The following ATP1B1 variants were observed in gnomAD, a reference collection of about 807,000 sequenced individuals.
The protein encoded by ATP1B1 is ATPase Na+/K+ transporting subunit beta 1, also known as sodium/potassium-transporting ATPase subunit beta-1.
In ATP1B1, 3 loss-of-function variants were observed where a neutral mutation model predicts 39.6. The observed-to-expected ratio is 0.08, with a 90% CI of 0.03 to 0.20. ATP1B1 has a LOEUF of 0.20. Ranked by LOEUF, ATP1B1 falls within the 10% of genes least tolerant of loss-of-function variation. The pLI is 1.00. For synonymous variants in ATP1B1, 139 were observed against 135.0 expected, an observed-to-expected ratio of 1.03 and a Z score of -0.20; for missense variants, 216 against 371.1, an observed-to-expected ratio of 0.58 and a Z score of 3.43.
intron 2 of ATP1B1, among the ~76,000 whole-genome samples, chr1:169,120,704 T>C (rs1657960308): frequency 6.6e-6 from 1 of 152,216 alleles, no homozygotes; most frequent in African/African-American, 2.4e-5. Context: ...AAAGTAATTA[T>C]AAACTTGACT....
chr1:169,108,547 G>A (rs764663275), intron 1 of ATP1B1, among the ~76,000 whole-genome samples: 2 of 152,164 alleles, frequency 1.3e-5, no homozygotes, highest in South Asian at 2.1e-4. Context: ...GGCACATTGT[G>A]AAATTTGCCT....
At chr1:169,111,573 TTTGGAAAA>T in intron 2 of ATP1B1, 75 bp downstream of exon 2, 1 of 1,554,882 alleles carries the variant, frequency 6.4e-7, no homozygotes, top group Non-Finnish European at 8.7e-7. Flanking sequence ...GAAAAAATTC[TTTGGAAAA>T]TTACTCTATA....
intron 2 of ATP1B1, among the ~76,000 whole-genome samples, chr1:169,118,657 ATATG>A (rs1466131523): frequency 6.6e-6 from 1 of 152,208 alleles, no homozygotes; most frequent in Non-Finnish European, 1.5e-5. Flanking sequence ...GTATGCATAC[ATATG>A]TGTGTGTTTA....
intron 2 of ATP1B1, among the ~76,000 whole-genome samples, chr1:169,124,499 CTG>C (rs1557951407): frequency 1.3e-5 from 2 of 152,200 alleles, no homozygotes; most frequent in South Asian, 4.1e-4. Context: ...TTTTAAAAAA[CTG>C]TGCACGTTGG....
intron 2 of ATP1B1, among the ~76,000 whole-genome samples, chr1:169,121,402 G>C (rs1426478043): frequency 6.6e-6 from 1 of 152,242 alleles, no homozygotes; most frequent in Non-Finnish European, 1.5e-5. Context: ...GACTGAGTGA[G>C]AGTTGCTGAT....
chr1:169,108,463 C>T (rs1034353524), intron 1 of ATP1B1, among the ~76,000 whole-genome samples: 9 of 152,114 alleles, frequency 5.9e-5, no homozygotes, highest in Non-Finnish European at 1.3e-4. Context: ...CCCTTCTCCC[C>T]AGGTTAGCTG....
Position 169,106,934 on chromosome 1 carries a change from C to T in ATP1B1, c.97+8C>T, listed in dbSNP as rs1023231060. ...GGACCGGTGGCAGTTGGTGTAAGTA[C>T]GGGGTCCGCAGCTCCCGGCCGCCGC... On this transcript the variant is annotated splice_region_variant and intron_variant, in intron 1 of 5. Transcript: ENST00000367815. 18 of 1,572,774 alleles carry T rather than the reference C, an allele frequency of 1.1e-5. No homozygotes were observed. The South Asian group carries it at 2.0e-4, about 17-fold the overall frequency.
intron 1 of ATP1B1, among the ~76,000 whole-genome samples, chr1:169,109,024 C>T (rs1657670502): frequency 6.6e-6 from 1 of 152,212 alleles, no homozygotes; most frequent in Non-Finnish European, 1.5e-5. Context: ...GCAGGATGCC[C>T]TTGGCTCGAT....
chr1:169,116,278 C>T (rs577067378), intron 2 of ATP1B1, among the ~76,000 whole-genome samples: 3 of 152,312 alleles, frequency 2.0e-5, no homozygotes, highest in East Asian at 1.9e-4. Context: ...GTGTGTCAAT[C>T]GGTGGGTCCG....
intron 2 of ATP1B1, among the ~76,000 whole-genome samples, chr1:169,115,554 G>A (rs1182599550): frequency 6.6e-6 from 1 of 151,906 alleles, no homozygotes; most frequent in Non-Finnish European, 1.5e-5. Context: ...TCACCATATT[G>A]GTCAGGTTGG....
intron 1 of ATP1B1, among the ~76,000 whole-genome samples, chr1:169,109,268 CT>C (rs967263363): frequency 3.3e-5 from 5 of 152,160 alleles, no homozygotes; most frequent in South Asian, 2.1e-4. Flanking sequence ...CTCTGTATTA[CT>C]TTTTTTTAAA....
At chr1:169,121,110 G>A (rs1281558884) in intron 2 of ATP1B1, among the ~76,000 whole-genome samples, 1 of 151,946 alleles carries the variant, frequency 6.6e-6, no homozygotes, top group African/African-American at 2.4e-5. Flanking sequence ...ACTATGCCTG[G>A]CTAATTTTGT....
intron 2 of ATP1B1, among the ~76,000 whole-genome samples, chr1:169,115,451 C>T (rs769411956): frequency 3.3e-5 from 5 of 150,856 alleles, no homozygotes; most frequent in Non-Finnish European, 7.4e-5. Flanking sequence ...TGGGTTCAAG[C>T]GATTCTCCTG....
chr1:169,115,053 C>T (rs1201914933), intron 2 of ATP1B1, among the ~76,000 whole-genome samples: 9 of 151,552 alleles, frequency 5.9e-5, no homozygotes, highest in African/African-American at 2.2e-4. Flanking sequence ...GTCGTAGTGG[C>T]GGGCACCTGT....
intron 2 of ATP1B1, among the ~76,000 whole-genome samples, chr1:169,122,569 C>T (rs1385492816): frequency 6.6e-6 from 1 of 152,006 alleles, no homozygotes; most frequent in Non-Finnish European, 1.5e-5. Flanking sequence ...TTTAGAAATA[C>T]TAAAAAATTA....
Position 169,131,454 on chromosome 1 carries a change from G to A in ATP1B1, c.811G>A (p.Glu271Lys). ...VQFTNLTMDT[E>K]IRIECKAYGE... ...GTTCACCAATCTTACCATGGACACT[G>A]AAATTCGCATAGAGTGTAAGGCGTA... Residue 271 changes from glutamate (E) to lysine (K), a missense_variant, in exon 6 of 6, where the codon GAA (glutamate) becomes AAA (lysine). By Grantham distance (56) the Glu-to-Lys change is moderately conservative. Transcript: ENST00000367815. This position sits in a 1 kb window ranked among gnomAD's most constrained non-coding sequence, Gnocchi z 4.4. 1 of 1,614,164 alleles carries A rather than the reference G, an allele frequency of 6.2e-7. No homozygotes were observed. Among genetic ancestry groups the A allele is most frequent in the Non-Finnish European group, 8.5e-7 (1 of 1,180,034 alleles).
At chr1:169,130,173 AG>A in intron 5 of ATP1B1, 83 bp downstream of exon 5, 2 of 1,199,002 alleles carry the variant, frequency 1.7e-6, no homozygotes, top group Non-Finnish European at 2.4e-6. Flanking sequence ...TTTAAGTGAC[AG>A]GTAGAATTTT....
At chr1:169,121,051 G>T (rs1169792398) in intron 2 of ATP1B1, among the ~76,000 whole-genome samples, 2 of 150,950 alleles carry the variant, frequency 1.3e-5, no homozygotes, top group African/African-American at 4.9e-5. Context: ...GGGCTCAAGC[G>T]ATTCTCGTGC....
intron 1 of ATP1B1, chr1:169,110,510 A>G (rs971648355): frequency 8.8e-6 from 5 of 569,316 alleles, no homozygotes; most frequent in African/African-American, 2.0e-5. Flanking sequence ...AATCAGGGAG[A>G]TAATCCTTGT....
Sources: gnomAD v4.1 joint callset for allele counts (sites outside exome capture counted in the v4.1 genomes callset) on GRCh38, gnomAD v4.1.1 for gene constraint, Gnocchi (gnomAD v3.1) non-coding constraint, MANE v1.5 for transcripts, NCBI Gene and HGNC (gene_info 2026-07-23, HGNC 2026-07-21) for gene names.